Variants in CTNNA3 observed in about 807,000 individuals in gnomAD.
CTNNA3 encodes the protein catenin alpha-3.
In CTNNA3, 76 loss-of-function variants were observed where a neutral mutation model predicts 95.7. That is an observed-to-expected ratio of 0.79 (90% confidence interval 0.66 to 0.96). The LOEUF is 0.96. Ranked by LOEUF, CTNNA3 falls within the 40% of genes least tolerant of loss-of-function variation. The pLI, the probability that CTNNA3 is intolerant of heterozygous loss-of-function variation, is 0.00. For synonymous variants in CTNNA3, 431 were observed against 374.4 expected (o/e 1.15, Z -1.74); for missense variants, 1,191 against 1,089.8 (o/e 1.09, Z -1.31).
intron 5 of CTNNA3, among the ~76,000 whole-genome samples, chr10:67,230,818 C>G (rs115602296): frequency 6.6e-6 from 1 of 152,320 alleles, no homozygotes; most frequent in African/African-American, 2.4e-5. Context: ...TGTGTGCACA[C>G]ACCGTGCGCG....
chr10:66,829,867 T>TTGTTGTTGTTGTTGTTGC (rs1284220209), intron 7 of CTNNA3, among the ~76,000 whole-genome samples: 1 of 143,374 alleles, frequency 7.0e-6, no homozygotes, highest in Non-Finnish European at 1.6e-5. Flanking sequence ...GTTGTTGTTG[T>TTGTTGTTGTTGTTGTTGC]TGTTGTTGTT....
At chr10:65,937,895 A>G (rs1273064725) in intron 17 of CTNNA3, among the ~76,000 whole-genome samples, 1 of 152,078 alleles carries the variant, frequency 6.6e-6, no homozygotes, top group East Asian at 1.9e-4. Context: ...AGAGTAAGCA[A>G]AGGAAGGAGT....
At chr10:66,613,156 T>C (rs979050765) in intron 10 of CTNNA3, among the ~76,000 whole-genome samples, 1 of 152,114 alleles carries the variant, frequency 6.6e-6, no homozygotes, top group Non-Finnish European at 1.5e-5. Flanking sequence ...TGTGAAACTA[T>C]GCTAATTCTA....
chr10:66,953,483 A>G (rs1296181463), intron 7 of CTNNA3, among the ~76,000 whole-genome samples: 1 of 152,136 alleles, frequency 6.6e-6, no homozygotes. Context: ...GTACTTTCCC[A>G]ACAAAGAATA....
At chr10:66,873,728 AC>A (rs1471698902) in intron 7 of CTNNA3, among the ~76,000 whole-genome samples, 1 of 152,070 alleles carries the variant, frequency 6.6e-6, no homozygotes, top group Non-Finnish European at 1.5e-5. Flanking sequence ...ATGAAACTGG[AC>A]CCCTACTTTT....
chr10:66,218,021 C>T lies in CTNNA3; in HGVS notation c.1884+62449G>A, dbSNP rs112862821. 5.9e-3 allele frequency among the ~76,000 whole-genome samples: 902 copies of T among 152,286 alleles called. 7 individuals are homozygous for T. Among genetic ancestry groups the T allele is most frequent in the African/African-American group, 0.021 (862 of 41,570 alleles). The stretch of plus-strand genomic sequence containing the variant: ...TTTTCAGAGGGGAGGAGCCAGGCCT[C>T]TCCAGCTCCTGTGTGGTGGCCTGGG... On this transcript the variant is annotated intron_variant, in intron 13 of 17. Coordinates refer to ENST00000433211, the MANE Select transcript of CTNNA3 (RefSeq NM_013266.4).
At chr10:66,007,760 CCCTCCCTCTCTTCCTT>C (rs2078923172) in intron 15 of CTNNA3, among the ~76,000 whole-genome samples, 2 of 29,000 alleles carry the variant, frequency 6.9e-5, no homozygotes, top group Admixed American at 3.6e-4. Flanking sequence ...CCCCCTCCCT[CCCTCCCTCTCTTCCTT>C]CCTTTCCTCC....
In CTNNA3 at chr10:66,766,283, T is replaced by A; in HGVS notation, c.1262A>T (p.His421Leu). The A allele has an allele frequency of 1.2e-6, 2 of 1,613,902 alleles. No homozygotes were observed. Among genetic ancestry groups the A allele is most frequent in the South Asian group, 2.2e-5 (2 of 91,080 alleles). Residue 421 changes from histidine (H) to leucine (L), a missense_variant, in exon 9 of 18, where the codon CAC becomes CTC. Coordinates refer to ENST00000433211, the MANE Select transcript of CTNNA3 (RefSeq NM_013266.4). ...GCTTACCTCTACAAGCCTGCTGGTG[T>A]GTTCATGAAATATCGCAGCATATTC... ...IKEYAAIFHE[H>L]TSRLVEVANL...
chr10:66,007,215 T>C (rs73308117), intron 15 of CTNNA3, among the ~76,000 whole-genome samples: 1,939 of 152,304 alleles, frequency 0.013, 45 homozygotes, highest in African/African-American at 0.044. Flanking sequence ...AATTACGATA[T>C]TGTGCAGTGA....
intron 11 of CTNNA3, among the ~76,000 whole-genome samples, chr10:66,496,438 A>G (rs181677483): frequency 1.3e-5 from 2 of 152,340 alleles, no homozygotes; most frequent in Admixed American, 1.3e-4. Flanking sequence ...AGAATAATGA[A>G]GAAAAAATAT....
intron 3 of CTNNA3, among the ~76,000 whole-genome samples, chr10:67,571,479 C>G (rs192600513): frequency 6.6e-6 from 1 of 152,260 alleles, no homozygotes; most frequent in African/African-American, 2.4e-5. Context: ...GTAAGAAAAA[C>G]ATTAAGTAAA....
intron 10 of CTNNA3, among the ~76,000 whole-genome samples, chr10:66,581,141 A>G (rs1843173133): frequency 1.3e-5 from 2 of 151,876 alleles, no homozygotes; most frequent in Non-Finnish European, 1.5e-5. Context: ...TTATCCACTC[A>G]TCAGTTAATG....
chr10:66,715,685 G>A (rs1295387185), intron 9 of CTNNA3, among the ~76,000 whole-genome samples: 6 of 152,026 alleles, frequency 3.9e-5, no homozygotes, highest in Non-Finnish European at 8.8e-5. Context: ...CTCTTGATGA[G>A]ATAGCAATGT....
intron 7 of CTNNA3, among the ~76,000 whole-genome samples, chr10:67,116,571 T>C (rs1268690110): frequency 1.3e-5 from 2 of 151,582 alleles, no homozygotes; most frequent in Non-Finnish European, 2.9e-5. Flanking sequence ...GGAGTTTGGT[T>C]GAATTTGAGA....
At chr10:67,736,473 T>G (rs1841303002) in intron 1 of CTNNA3, among the ~76,000 whole-genome samples, 3 of 105,234 alleles carry the variant, frequency 2.9e-5, no homozygotes, top group African/African-American at 1.3e-4. Context: ...TTTTTTTTTT[T>G]GAGACGGAGT....
chr10:66,987,466 G>A (rs944588523), intron 7 of CTNNA3, among the ~76,000 whole-genome samples: 1 of 152,140 alleles, frequency 6.6e-6, no homozygotes, highest in Non-Finnish European at 1.5e-5. Context: ...TGGGGTCTTA[G>A]CAATCCGAGA....
chr10:66,106,354 TGTGTG>T (rs2081911494), intron 13 of CTNNA3, among the ~76,000 whole-genome samples: 3 of 150,942 alleles, frequency 2.0e-5, no homozygotes, highest in African/African-American at 7.3e-5. Context: ...TGTGTGTGTG[TGTGTG>T]TGTGTGTGTG....
chr10:67,761,321 A>C (rs1841460579), intron 1 of CTNNA3, among the ~76,000 whole-genome samples: 2 of 152,182 alleles, frequency 1.3e-5, no homozygotes, highest in South Asian at 4.1e-4. Context: ...AGATGAAGAG[A>C]TTGGACTAAC....
rs141844843 is a variant in CTNNA3, at chr10:66,084,564, A to G, written c.1978-15075T>C. 6.3e-4 allele frequency among the ~76,000 whole-genome samples: 96 copies of G among 152,268 alleles called. 2 individuals carry two copies. In the East Asian group the frequency reaches 0.017, roughly 28 times the overall value. On this transcript the variant is annotated intron_variant, in intron 14 of 17. Transcript: ENST00000433211. The stretch of plus-strand genomic sequence containing the variant: ...ATGTTTACTAAATAATGTTTTTTCT[A>G]AAGAGAATTTTTGGAATTAGAAAAA...
Sources: gnomAD v4.1 joint callset for allele counts (sites outside exome capture counted in the v4.1 genomes callset) on GRCh38, gnomAD v4.1.1 for gene constraint, MANE v1.5 for transcripts, NCBI Gene and HGNC (gene_info 2026-07-23, HGNC 2026-07-21) for gene names.